Variants in UGT1A8 observed in about 807,000 individuals in gnomAD.
UGT1A8 encodes UDP-glucuronosyltransferase 1A8.
In UGT1A8, 39 loss-of-function variants were observed where a neutral mutation model predicts 45.3. The ratio of observed to expected loss-of-function variants is 0.86; its 90% CI spans 0.67 to 1.12. The LOEUF is 1.12. Ranked by LOEUF, UGT1A8 falls within the 50% of genes most tolerant of loss-of-function variation. The pLI is 0.00. For synonymous variants in UGT1A8, 275 were observed against 249.2 expected, an observed-to-expected ratio of 1.10 and a Z score of -0.97; for missense variants, 719 against 664.9, an observed-to-expected ratio of 1.08 and a Z score of -0.90.
chr2:233,751,985 A>C (rs1248686220), intron 1 of UGT1A8, among the ~76,000 whole-genome samples: 1 of 152,196 alleles, frequency 6.6e-6, no homozygotes, highest in Non-Finnish European at 1.5e-5. Flanking sequence ...ATGAATCTGC[A>C]TTTATTGAGA....
chr2:233,654,393 G>C (rs2073808741), intron 1 of UGT1A8, among the ~76,000 whole-genome samples: 1 of 152,128 alleles, frequency 6.6e-6, no homozygotes, highest in Non-Finnish European at 1.5e-5. Flanking sequence ...AAACCCTATA[G>C]CATCTTGTTT....
intron 1 of UGT1A8, among the ~76,000 whole-genome samples, chr2:233,706,095 A>T (rs2075888829): frequency 1.7e-5 from 2 of 120,396 alleles, no homozygotes; most frequent in Non-Finnish European, 3.6e-5. Context: ...ATTCTGTCTT[A>T]AAAAAAAACC....
At chr2:233,713,636 C>T (rs17868333) in intron 1 of UGT1A8, 157,928 of 1,613,758 alleles carry the variant, frequency 0.098, 8,751 homozygotes, top group South Asian at 0.2. Context: ...AGAACATGCT[C>T]TACCCTCTGG....
intron 1 of UGT1A8, among the ~76,000 whole-genome samples, chr2:233,664,346 A>G (rs1223666901): frequency 6.6e-6 from 1 of 152,174 alleles, no homozygotes; most frequent in Non-Finnish European, 1.5e-5. Flanking sequence ...AATTTTCAGT[A>G]TCTTTATAGC....
intron 1 of UGT1A8, among the ~76,000 whole-genome samples, chr2:233,746,060 G>A (rs1011902873): frequency 4.0e-5 from 6 of 151,770 alleles, no homozygotes; most frequent in Admixed American, 3.9e-4. Flanking sequence ...GGTCTAGAAC[G>A]AAAAGAGAAG....
intron 1 of UGT1A8, among the ~76,000 whole-genome samples, chr2:233,655,754 G>T (rs1240010490): frequency 1.3e-5 from 2 of 152,152 alleles, no homozygotes; most frequent in Non-Finnish European, 2.9e-5. Context: ...GAGGTTCACA[G>T]AGCCCCATCC....
intron 1 of UGT1A8, among the ~76,000 whole-genome samples, chr2:233,665,166 A>G (rs2074047561): frequency 6.6e-6 from 1 of 152,222 alleles, no homozygotes; most frequent in African/African-American, 2.4e-5. Flanking sequence ...TTGCCAATAA[A>G]TTATAGACAT....
chr2:233,677,593 T>C (rs28970016), intron 1 of UGT1A8, among the ~76,000 whole-genome samples: 1,930 of 152,220 alleles, frequency 0.013, 41 homozygotes, highest in African/African-American at 0.044. Flanking sequence ...ACATCACTAG[T>C]TACCAGAAAA....
intron 1 of UGT1A8, chr2:233,647,933 T>G: frequency 1.9e-6 from 3 of 1,604,578 alleles, no homozygotes; most frequent in South Asian, 2.2e-5. Flanking sequence ...TCACTGCCCA[T>G]GGATGGGAGC....
intron 1 of UGT1A8, among the ~76,000 whole-genome samples, chr2:233,724,217 A>G (rs1313805950): frequency 3.1e-4 from 30 of 97,836 alleles, no homozygotes; most frequent in Admixed American, 7.0e-4. Context: ...GGGGCTCCTC[A>G]CTTCCCAGTA....
intron 1 of UGT1A8, chr2:233,760,819 A>C (rs1210599713): frequency 1.2e-6 from 2 of 1,613,450 alleles, no homozygotes. Context: ...ACTGCCATGC[A>C]GCCTGGAATT....
chr2:233,719,080 A>T (rs1329829423), intron 1 of UGT1A8: 1 of 1,614,142 alleles, frequency 6.2e-7, no homozygotes, highest in East Asian at 2.2e-5. Flanking sequence ...TGGACCCAGA[A>T]GGAATTTGAT....
At chr2:233,771,280 CCTTTT>C (rs1700275539) in intron 4 of UGT1A8, 2 of 152,190 alleles carry the variant, frequency 1.3e-5, no homozygotes, top group Non-Finnish European at 1.5e-5. Flanking sequence ...CTTTCTTCTC[CCTTTT>C]CTTTTCTACT....
intron 1 of UGT1A8, among the ~76,000 whole-genome samples, chr2:233,684,728 G>T (rs4583459): frequency 0.6 from 91,008 of 151,656 alleles, 27,587 homozygotes; most frequent in South Asian, 0.65. Context: ...TTTATAAATA[G>T]AAAATAAATA....
intron 1 of UGT1A8, among the ~76,000 whole-genome samples, chr2:233,634,454 G>A (rs1466506341): frequency 1.3e-5 from 2 of 152,132 alleles, no homozygotes; most frequent in African/African-American, 2.4e-5. Context: ...AAGTCTCTTT[G>A]TAGGTCTCTA....
chr2:233,733,853 T>C (rs2078444746), intron 1 of UGT1A8, among the ~76,000 whole-genome samples: 1 of 152,132 alleles, frequency 6.6e-6, no homozygotes, highest in South Asian at 2.1e-4. Flanking sequence ...TCTTTTTCTA[T>C]TGATTGGAAT....
chr2:233,754,186 C>T (rs1695414743), intron 1 of UGT1A8: 1 of 159,716 alleles, frequency 6.3e-6, no homozygotes, highest in Non-Finnish European at 1.4e-5. Flanking sequence ...ATTTCACCAC[C>T]ACACAGTAAA....
chr2:233,759,973 C>G (rs1206858232), intron 1 of UGT1A8, among the ~76,000 whole-genome samples: 2 of 152,170 alleles, frequency 1.3e-5, no homozygotes, highest in African/African-American at 4.8e-5. Context: ...TTCTTCCTCT[C>G]TGGTAACACT....
Position 233,669,041 on chromosome 2 carries a change from C to T in UGT1A8, c.855+50479C>T, listed in dbSNP as rs147575119. On this transcript the variant is annotated intron_variant, in intron 1 of 4. Transcript: ENST00000373450. The stretch of plus-strand genomic sequence containing the variant: ...TTATAGGTTTTTAGGAGGAAGACCA[C>T]AAGGTAATGTGTTTTCCCGCTTTCT... Among the ~76,000 whole-genome samples, 109 of 152,314 alleles carry T rather than the reference C, an allele frequency of 7.2e-4. 1 individual carries two copies. Among genetic ancestry groups the T allele is most frequent in the Admixed American group, 5.2e-3 (79 of 15,294 alleles).
Sources: allele counts gnomAD v4.1 joint callset (sites outside exome capture counted in the v4.1 genomes callset), GRCh38; gene constraint gnomAD v4.1.1; transcripts MANE v1.5; gene names NCBI Gene and HGNC (gene_info 2026-07-23, HGNC 2026-07-21).